NRP2: variants seen among roughly 807,000 people sequenced by gnomAD.
NRP2 encodes neuropilin-2.
Under a neutral mutation model 110.4 loss-of-function variants are expected in NRP2, and 52 were observed. The ratio of observed to expected loss-of-function variants is 0.47; its 90% CI spans 0.38 to 0.59. NRP2 has a LOEUF of 0.59. Among genes scored for constraint, NRP2 ranks in the 20% least tolerant of loss-of-function variants. NRP2 has a pLI of 0.00. For missense variants in NRP2, 1,049 were observed against 1,203.0 expected, an observed-to-expected ratio of 0.87 and a Z score of 1.89; for synonymous variants, 508 against 468.9, an observed-to-expected ratio of 1.08 and a Z score of -1.08.
chr2:205,783,520 A>G (rs370052793), intron 15 of NRP2, among the ~76,000 whole-genome samples: 1 of 152,242 alleles, frequency 6.6e-6, no homozygotes, highest in Non-Finnish European at 1.5e-5. Flanking sequence ...ACCAAGAAAA[A>G]GTCTCAAATT....
chr2:205,715,109 G>C (rs1399319003), intron 2 of NRP2, among the ~76,000 whole-genome samples: 1 of 152,220 alleles, frequency 6.6e-6, no homozygotes, highest in Non-Finnish European at 1.5e-5. Context: ...GCGGCCAGCA[G>C]TTGGAAGGGA....
At chr2:205,711,887 C>G (rs1460058727) in intron 2 of NRP2, among the ~76,000 whole-genome samples, 2 of 152,148 alleles carry the variant, frequency 1.3e-5, no homozygotes, top group Non-Finnish European at 2.9e-5. Context: ...ACTAACCCAG[C>G]CTTTGGTGCC....
chr2:205,685,021 G>A (rs2056112152), intron 1 of NRP2, among the ~76,000 whole-genome samples: 1 of 152,062 alleles, frequency 6.6e-6, no homozygotes, highest in African/African-American at 2.4e-5. Context: ...TGTGCGGAGC[G>A]GGAGGGGTCG....
intron 4 of NRP2, 57 bp from the exon 5 acceptor site, chr2:205,723,728 G>GA: frequency 6.3e-7 from 1 of 1,597,428 alleles, no homozygotes; most frequent in Non-Finnish European, 8.6e-7. Flanking sequence ...AAAACGGAGT[G>GA]AAAACCAAGT....
chr2:205,715,000 A>G (rs1467937550), intron 2 of NRP2, among the ~76,000 whole-genome samples: 1 of 152,184 alleles, frequency 6.6e-6, no homozygotes, highest in Non-Finnish European at 1.5e-5. Flanking sequence ...ACCCGCAAGG[A>G]AGAGATTTCT....
At chr2:205,731,212 G>A (rs849523) in intron 7 of NRP2, among the ~76,000 whole-genome samples, 42,816 of 152,056 alleles carry the variant, frequency 0.28, 6,359 homozygotes, top group East Asian at 0.56. Flanking sequence ...TCCAACCCAC[G>A]TGCTCCTTTA....
intron 1 of NRP2, among the ~76,000 whole-genome samples, chr2:205,689,696 T>A (rs2056262539): frequency 6.6e-6 from 1 of 152,222 alleles, no homozygotes; most frequent in Non-Finnish European, 1.5e-5. Context: ...TCCTCTGTTT[T>A]CAGTATTCTT....
chr2:205,695,871 G>A (rs538760586), intron 1 of NRP2, among the ~76,000 whole-genome samples: 15 of 152,178 alleles, frequency 9.9e-5, no homozygotes, highest in Non-Finnish European at 1.3e-4. Context: ...AAAGCCTATG[G>A]GTATTGGCTG....
intron 2 of NRP2, among the ~76,000 whole-genome samples, chr2:205,702,033 C>T (rs1019007435): frequency 6.6e-6 from 1 of 152,238 alleles, no homozygotes; most frequent in African/African-American, 2.4e-5. Flanking sequence ...GCCTCAGTTT[C>T]CTCATCTGCA....
At chr2:205,748,151 A>G (rs368259779) in intron 10 of NRP2, among the ~76,000 whole-genome samples, 57 of 152,062 alleles carry the variant, frequency 3.7e-4, no homozygotes, top group African/African-American at 1.3e-3. Flanking sequence ...CATTCTTTAC[A>G]CCAATCAGCT....
At chr2:205,766,331 C>A (rs892614791) in intron 14 of NRP2, among the ~76,000 whole-genome samples, 1 of 152,150 alleles carries the variant, frequency 6.6e-6, no homozygotes, top group African/African-American at 2.4e-5. Context: ...TGCTTTCAGT[C>A]AGCAGAGTGG....
At chr2:205,783,051 T>C (rs935178839) in intron 15 of NRP2, among the ~76,000 whole-genome samples, 6 of 152,196 alleles carry the variant, frequency 3.9e-5, no homozygotes, top group African/African-American at 1.4e-4. Context: ...CAGAAACTAG[T>C]GGACGTCCTG....
chr2:205,791,015 A>G (rs3770991), intron 15 of NRP2, among the ~76,000 whole-genome samples: 126,749 of 152,250 alleles, frequency 0.83, 53,262 homozygotes, highest in South Asian at 0.9. Context: ...CAGAAATGAG[A>G]AAGACTTCTA....
intron 3 of NRP2, 83 bp from the exon 4 acceptor site, chr2:205,722,395 C>A: frequency 1.7e-6 from 2 of 1,160,788 alleles, no homozygotes; most frequent in Non-Finnish European, 2.6e-6. Flanking sequence ...GGATTTGGGG[C>A]CAAACATTTA....
intron 12 of NRP2, among the ~76,000 whole-genome samples, chr2:205,755,396 C>T (rs1046893511): frequency 6.6e-6 from 1 of 152,092 alleles, no homozygotes; most frequent in Non-Finnish European, 1.5e-5. Flanking sequence ...AGAGGAATCC[C>T]GAAGTTTGGG....
At chr2:205,736,691 C>T (rs2057349155) in intron 7 of NRP2, among the ~76,000 whole-genome samples, 1 of 152,166 alleles carries the variant, frequency 6.6e-6, no homozygotes, top group Non-Finnish European at 1.5e-5. Flanking sequence ...CTTTATTTTC[C>T]TGAAGGAGAA....
intron 2 of NRP2, chr2:205,698,044 C>A (rs1419755414): frequency 7.5e-6 from 3 of 399,040 alleles, no homozygotes. Context: ...CTTTGGGTTA[C>A]CTTGCACTTG....
At chr2:205,712,973 T>C (rs1003335979) in intron 2 of NRP2, among the ~76,000 whole-genome samples, 4 of 152,266 alleles carry the variant, frequency 2.6e-5, no homozygotes, top group African/African-American at 9.6e-5. Context: ...TTGAATTATA[T>C]GAAGCTTTTT....
At position 205,770,086 on chromosome 2, in the gene NRP2, C is replaced by T. The variant is rs144730799; in HGVS notation, c.2425+3283C>T. Among the ~76,000 whole-genome samples the T allele has an allele frequency of 2.5e-3, 378 of 152,266 alleles. 3 individuals are homozygous for T. The highest frequency in any genetic ancestry group is 4.1e-3 in the Admixed American group (62 of 15,296). ...GCAGAGAGACGATCTGGTGCCCTAC[C>T]TGTTAGAGACTCACGGAAATCCCAG... On this transcript the variant is annotated intron_variant, in intron 15 of 16. Coordinates refer to ENST00000357785, the MANE Select transcript of NRP2 (RefSeq NM_003872.3).
Sources: allele counts gnomAD v4.1 joint callset (sites outside exome capture counted in the v4.1 genomes callset), GRCh38; gene constraint gnomAD v4.1.1; transcripts MANE v1.5; gene names NCBI Gene and HGNC (gene_info 2026-07-23, HGNC 2026-07-21).